The following WWOX variants were observed in gnomAD, a reference collection of about 807,000 sequenced individuals.
The protein encoded by WWOX is WW domain-containing oxidoreductase.
A neutral mutation model predicts 46.2 loss-of-function variants in WWOX; 69 were observed. That is an observed-to-expected ratio of 1.49 (90% confidence interval 1.23 to 1.82). The LOEUF is 1.82. WWOX is among the 40% of genes most tolerant of loss of function. The probability of loss-of-function intolerance (pLI) is 0.00; values close to 1 mark genes in which losing one functional copy is unlikely to be tolerated. For missense variants in WWOX, 919 were observed against 542.6 expected (o/e 1.69, Z -6.89); for synonymous variants, 359 against 202.6 (o/e 1.77, Z -6.56).
chr16:78,736,247 A>C (rs1167696105), intron 8 of WWOX, among the ~76,000 whole-genome samples: 1 of 152,176 alleles, frequency 6.6e-6, no homozygotes, highest in East Asian at 1.9e-4. Context: ...TGAGGCCAGA[A>C]GGCCGGGCTG....
intron 8 of WWOX, among the ~76,000 whole-genome samples, chr16:78,717,474 G>T (rs143179327): frequency 6.6e-6 from 1 of 152,294 alleles, no homozygotes; most frequent in Non-Finnish European, 1.5e-5. Context: ...TTGGCTTTTG[G>T]TAGGTGGTCA....
Position 78,411,708 on chromosome 16 carries a change from A to G in WWOX, c.606-13162A>G, listed in dbSNP as rs78222791. Among the ~76,000 whole-genome samples, 227 of 152,310 alleles carry G rather than the reference A, an allele frequency of 1.5e-3. 6 individuals are homozygous for G. The East Asian group carries it at 0.039, about 26-fold the overall frequency. The stretch of plus-strand genomic sequence containing the variant: ...TTTAACCAGTATTCATAAAAAGTCA[A>G]GTGGGAGAATGTAGAGGTGACAAGA... On this transcript the variant is annotated intron_variant, in intron 6 of 8. Coordinates refer to ENST00000566780, the MANE Select transcript of WWOX (RefSeq NM_016373.4).
At chr16:78,129,796 G>A (rs540476504) in intron 4 of WWOX, among the ~76,000 whole-genome samples, 1 of 151,714 alleles carries the variant, frequency 6.6e-6, no homozygotes, top group South Asian at 2.1e-4. Context: ...TGAAAAATCA[G>A]AATGAGTATT....
intron 8 of WWOX, among the ~76,000 whole-genome samples, chr16:78,712,217 G>T (rs1483686668): frequency 6.6e-6 from 1 of 152,050 alleles, no homozygotes; most frequent in African/African-American, 2.4e-5. Context: ...AATGCTATAT[G>T]CATTGGCTGG....
chr16:78,266,335 T>C lies in WWOX; in HGVS notation c.516+102046T>C, dbSNP rs144268857. Among the ~76,000 whole-genome samples, 377 of 152,364 alleles carry C rather than the reference T, an allele frequency of 2.5e-3. 2 individuals are homozygous for C. The highest frequency in any genetic ancestry group is 8.3e-3 in the African/African-American group (345 of 41,596). ...AAGTAGTTTTATTGGAACACAGCCC[T>C]ACACACCTTCATTTATAAGCTATCT... is the stretch of plus-strand genomic sequence containing the variant. On this transcript the variant is annotated intron_variant, in intron 5 of 8. Coordinates refer to ENST00000566780, the MANE Select transcript of WWOX (RefSeq NM_016373.4).
Position 78,930,222 on chromosome 16 carries a change from T to TCCTTCCTTCCTTCCTTCCTTCCTTC in WWOX, c.1057-281385_1057-281384insCTTCCTTCCTTCCTTCCTTCCTTCC, listed in dbSNP as rs2045589587. ...CTGGGGTGGATTATTTCAGGACCTTTCTTCCTTCCTTCCTTCCTTCCTTCC... is the reference window on the plus strand; with the variant it reads ...CTGGGGTGGATTATTTCAGGACCTTTCCTTCCTTCCTTCCTTCCTTCCTTCCTTCCTTCCTTCCTTCCTTCCTTCC... On this transcript the variant is annotated intron_variant, in intron 8 of 8. Coordinates refer to ENST00000566780, the MANE Select transcript of WWOX (RefSeq NM_016373.4). Among the ~76,000 whole-genome samples, 13 of 104,998 alleles carry TCCTTCCTTCCTTCCTTCCTTCCTTC rather than the reference T, an allele frequency of 1.2e-4. No homozygotes were observed. The South Asian group carries it at 4.6e-3, about 37-fold the overall frequency. 68.9% of individuals were successfully genotyped at this position (104,998 alleles called of 152,430 possible). A position where few individuals can be genotyped will look rare whatever the true frequency, so the allele number is the denominator to read the frequency against.
intron 5 of WWOX, among the ~76,000 whole-genome samples, chr16:78,176,375 C>G (rs2035345311): frequency 1.3e-5 from 2 of 152,210 alleles, no homozygotes; most frequent in African/African-American, 2.4e-5. Context: ...AGCGTGCAGA[C>G]TCAGGAGCCA....
intron 5 of WWOX, among the ~76,000 whole-genome samples, chr16:78,299,098 C>G (rs1404054097): frequency 1.3e-5 from 2 of 152,136 alleles, no homozygotes; most frequent in Non-Finnish European, 2.9e-5. Context: ...TAGTTTGTCT[C>G]CAGTGTGGGT....
At chr16:78,406,626 A>AT (rs545938474) in intron 6 of WWOX, among the ~76,000 whole-genome samples, 7,771 of 129,376 alleles carry the variant, frequency 0.06, 710 homozygotes, top group African/African-American at 0.19. Flanking sequence ...TGGGATATAC[A>AT]TTTTTTTTTT....
intron 8 of WWOX, among the ~76,000 whole-genome samples, chr16:78,481,035 G>C (rs1401147019): frequency 6.6e-6 from 1 of 152,196 alleles, no homozygotes; most frequent in Non-Finnish European, 1.5e-5. Context: ...CACAATCACA[G>C]TTTGATCAGA....
intron 4 of WWOX, among the ~76,000 whole-genome samples, chr16:78,139,589 G>A (rs145437132): frequency 0.045 from 6,866 of 152,240 alleles, 241 homozygotes; most frequent in Non-Finnish European, 0.065. Context: ...AGGTTGCAGC[G>A]AGCTGAGATT....
intron 8 of WWOX, among the ~76,000 whole-genome samples, chr16:78,879,259 T>C (rs1196873677): frequency 6.6e-6 from 1 of 152,156 alleles, no homozygotes; most frequent in Non-Finnish European, 1.5e-5. Context: ...TTTGTGACAA[T>C]GTAAGAGCAA....
At chr16:78,575,994 G>A (rs1197230403) in intron 8 of WWOX, among the ~76,000 whole-genome samples, 1 of 151,926 alleles carries the variant, frequency 6.6e-6, no homozygotes, top group African/African-American at 2.4e-5. Context: ...TCATTTTTCA[G>A]AGCATGTACT....
chr16:79,178,171 A>G (rs1017834101), intron 8 of WWOX, among the ~76,000 whole-genome samples: 3 of 152,240 alleles, frequency 2.0e-5, no homozygotes, highest in African/African-American at 7.2e-5. Flanking sequence ...CCTTCAGACC[A>G]TAGCACTATC....
At chr16:78,429,112 G>T (rs1251557537) in intron 7 of WWOX, among the ~76,000 whole-genome samples, 1 of 152,182 alleles carries the variant, frequency 6.6e-6, no homozygotes, top group African/African-American at 2.4e-5. Context: ...AGGCACTGTA[G>T]TAAGCAACAC....
intron 8 of WWOX, among the ~76,000 whole-genome samples, chr16:78,590,956 C>T (rs1056370005): frequency 6.6e-6 from 1 of 152,140 alleles, no homozygotes; most frequent in Non-Finnish European, 1.5e-5. Flanking sequence ...AGTAATATGG[C>T]ACCTCCTCAT....
chr16:78,457,360 G>T (rs17719490), intron 8 of WWOX, among the ~76,000 whole-genome samples: 8,351 of 152,210 alleles, frequency 0.055, 651 homozygotes, highest in African/African-American at 0.17. Context: ...TTCCTTCAAA[G>T]TAATGACTAA....
At chr16:78,645,849 G>A (rs2046827126) in intron 8 of WWOX, among the ~76,000 whole-genome samples, 3 of 152,064 alleles carry the variant, frequency 2.0e-5, no homozygotes, top group Admixed American at 2.0e-4. Flanking sequence ...TGGGCTCTGG[G>A]GGCTTCTGGG....
At chr16:79,168,445 A>T (rs1199813203) in intron 8 of WWOX, among the ~76,000 whole-genome samples, 2 of 152,156 alleles carry the variant, frequency 1.3e-5, no homozygotes, top group Non-Finnish European at 2.9e-5. Context: ...GGTAACTATA[A>T]TCAACCCCCA....
Sources: gnomAD v4.1 joint callset for allele counts (sites outside exome capture counted in the v4.1 genomes callset) on GRCh38, gnomAD v4.1.1 for gene constraint, MANE v1.5 for transcripts, NCBI Gene and HGNC (gene_info 2026-07-23, HGNC 2026-07-21) for gene names.